SLC25A13: variants seen among roughly 807,000 people sequenced by gnomAD.
SLC25A13 encodes the protein solute carrier family 25 member 13, also known as electrogenic aspartate/glutamate antiporter SLC25A13, mitochondrial.
In SLC25A13, 70 loss-of-function variants were observed where a neutral mutation model predicts 85.5. That is an observed-to-expected ratio of 0.82 (90% confidence interval 0.68 to 1.00). The LOEUF (loss-of-function observed/expected upper bound fraction) is 1.00, where lower values mean the gene tolerates loss of function less well. Ranked by LOEUF, SLC25A13 falls within the 50% of genes least tolerant of loss-of-function variation. The pLI, the probability that SLC25A13 is intolerant of heterozygous loss-of-function variation, is 0.00. For missense variants in SLC25A13, 765 were observed against 819.8 expected (o/e 0.93, Z 0.82); for synonymous variants, 259 against 288.7 (o/e 0.90, Z 1.04).
chr7:96,134,055 TGTTGCCCAG>T (rs1368154185), intron 14 of SLC25A13, among the ~76,000 whole-genome samples: 1 of 151,216 alleles, frequency 6.6e-6, no homozygotes, highest in African/African-American at 2.4e-5. Flanking sequence ...AGTTTCACTT[TGTTGCCCAG>T]GTTGCCCAGG....
chr7:96,242,964 T>G (rs1562872244), intron 3 of SLC25A13, among the ~76,000 whole-genome samples: 3 of 152,084 alleles, frequency 2.0e-5, no homozygotes, highest in Non-Finnish European at 4.4e-5. Flanking sequence ...TATTTTACAG[T>G]CTGACTCTTT....
intron 2 of SLC25A13, among the ~76,000 whole-genome samples, chr7:96,292,731 A>G (rs1415043639): frequency 6.6e-6 from 1 of 152,232 alleles, no homozygotes; most frequent in Non-Finnish European, 1.5e-5. Context: ...AGGGATGTGA[A>G]GGACCTCTTC....
intron 13 of SLC25A13, among the ~76,000 whole-genome samples, chr7:96,152,014 G>A (rs887320948): frequency 3.3e-5 from 5 of 152,202 alleles, no homozygotes; most frequent in African/African-American, 1.2e-4. Context: ...AGTAAAGGAG[G>A]CTATTTAACA....
chr7:96,149,427 C>T (rs1277403641), intron 13 of SLC25A13, among the ~76,000 whole-genome samples: 3 of 152,212 alleles, frequency 2.0e-5, no homozygotes, highest in African/African-American at 4.8e-5. Context: ...AGAACTTACA[C>T]TCAACTCCCT....
intron 1 of SLC25A13, among the ~76,000 whole-genome samples, chr7:96,302,684 G>T (rs928293656): frequency 2.0e-5 from 3 of 152,128 alleles, no homozygotes; most frequent in African/African-American, 7.2e-5. Context: ...GCTGAATATA[G>T]AATAAAGTCT....
chr7:96,133,397 T>C (rs1024593444), intron 14 of SLC25A13, among the ~76,000 whole-genome samples: 2 of 152,174 alleles, frequency 1.3e-5, no homozygotes, highest in African/African-American at 2.4e-5. Context: ...TAATCTATCG[T>C]CCTGGATGGG....
intron 17 of SLC25A13, 108 bp downstream of exon 17, chr7:96,121,547 T>TA (rs1335885508): frequency 7.0e-7 from 1 of 1,419,242 alleles, no homozygotes; most frequent in Non-Finnish European, 1.0e-6. Flanking sequence ...AACATTTCCC[T>TA]AAATCTCTTC....
intron 4 of SLC25A13, among the ~76,000 whole-genome samples, chr7:96,225,898 C>A (rs1484151040): frequency 6.6e-6 from 1 of 152,128 alleles, no homozygotes; most frequent in Non-Finnish European, 1.5e-5. Flanking sequence ...ACAGACTCCG[C>A]GCTTAGAACC....
chr7:96,258,870 T>C (rs1261125429), intron 3 of SLC25A13, among the ~76,000 whole-genome samples: 1 of 152,100 alleles, frequency 6.6e-6, no homozygotes, highest in Non-Finnish European at 1.5e-5. Context: ...AACAGATATA[T>C]AGACCAATGG....
intron 13 of SLC25A13, among the ~76,000 whole-genome samples, chr7:96,163,734 G>C (rs1319347125): frequency 1.3e-5 from 2 of 152,122 alleles, no homozygotes; most frequent in African/African-American, 4.8e-5. Context: ...TCAATCAGTA[G>C]AGAAATGGCA....
intron 3 of SLC25A13, among the ~76,000 whole-genome samples, chr7:96,258,846 G>A (rs1184164240): frequency 6.6e-6 from 1 of 152,118 alleles, no homozygotes; most frequent in African/African-American, 2.4e-5. Flanking sequence ...AAAACAGCAT[G>A]GTACTAGTAC....
intron 2 of SLC25A13, among the ~76,000 whole-genome samples, chr7:96,290,937 C>T (rs1203238457): frequency 6.6e-6 from 1 of 152,222 alleles, no homozygotes; most frequent in Admixed American, 6.5e-5. Context: ...ACCTAACAGA[C>T]ATCTACAGAA....
rs58984088 is a variant in SLC25A13 at position 96,128,939 on chromosome 7, G to GCTCTCTCTCTCTCTCTCTCT, written c.1591+2784_1591+2803dup. On this transcript the variant is annotated intron_variant, in intron 15 of 17. Transcript: ENST00000265631. ...AGACACTGCAGCTTCTGCCTTGCTT[G>GCTCTCTCTCTCTCTCTCTCT]CTCTCTCTCTCTCTCTCTCTCTCTC... is the stretch of plus-strand genomic sequence containing the variant. Among the ~76,000 whole-genome samples, 90 of 81,896 alleles carry GCTCTCTCTCTCTCTCTCTCT rather than the reference G, an allele frequency of 1.1e-3. 10 individuals carry two copies. Among genetic ancestry groups the GCTCTCTCTCTCTCTCTCTCT allele is most frequent in the Non-Finnish European group, 1.6e-3 (64 of 40,652 alleles). 53.7% of individuals were successfully genotyped at this position (81,896 alleles called of 152,430 possible). A position where few individuals can be genotyped will look rare whatever the true frequency, so the allele number is the denominator to read the frequency against.
Position 96,121,133 on chromosome 7 carries a change from G to A in SLC25A13, c.*58C>T. 1 of 1,561,938 alleles carries A rather than the reference G, an allele frequency of 6.4e-7. No individual in the cohort carries two copies. The highest frequency in any genetic ancestry group is 8.8e-7 in the Non-Finnish European group (1 of 1,132,740). On this transcript the variant is annotated 3_prime_UTR_variant, in exon 18 of 18. Coordinates refer to ENST00000265631, the MANE Select transcript of SLC25A13 (RefSeq NM_014251.3). ...ATGAAGCATTGCTTCATTCCCAGGA[G>A]GGATGTTCTTTACTGCAGTACCCAC...
intron 13 of SLC25A13, among the ~76,000 whole-genome samples, chr7:96,162,713 C>G (rs73232577): frequency 0.097 from 14,763 of 152,152 alleles, 884 homozygotes; most frequent in Middle Eastern, 0.14. Flanking sequence ...AACACCAATT[C>G]TTCAGGAAGA....
At chr7:96,245,845 T>A (rs913069721) in intron 3 of SLC25A13, among the ~76,000 whole-genome samples, 4 of 152,232 alleles carry the variant, frequency 2.6e-5, no homozygotes, top group Non-Finnish European at 5.9e-5. Flanking sequence ...GATGGAAAAC[T>A]GATTAAGGCA....
At chr7:96,260,873 C>T (rs1402797515) in intron 3 of SLC25A13, among the ~76,000 whole-genome samples, 1 of 152,106 alleles carries the variant, frequency 6.6e-6, no homozygotes, top group Non-Finnish European at 1.5e-5. Context: ...CAAAACCTTT[C>T]AAAATGTAAT....
At chr7:96,301,029 T>G (rs1363865817) in intron 1 of SLC25A13, among the ~76,000 whole-genome samples, 1 of 152,104 alleles carries the variant, frequency 6.6e-6, no homozygotes, top group African/African-American at 2.4e-5. Flanking sequence ...GATGTACCAG[T>G]TTTTTAAAGG....
At chr7:96,209,831 G>A (rs1795620599) in intron 4 of SLC25A13, among the ~76,000 whole-genome samples, 1 of 152,122 alleles carries the variant, frequency 6.6e-6, no homozygotes. Context: ...TGTGTTTGGA[G>A]AATGGAGGAA....
Sources: gnomAD v4.1 joint callset for allele counts (sites outside exome capture counted in the v4.1 genomes callset) on GRCh38, gnomAD v4.1.1 for gene constraint, MANE v1.5 for transcripts, NCBI Gene and HGNC (gene_info 2026-07-23, HGNC 2026-07-21) for gene names.